The following RBFOX3 variants were observed in gnomAD, a reference collection of about 807,000 sequenced individuals.
RBFOX3 encodes the protein RNA binding protein fox-1 homolog 3.
RBFOX3 carries 17 observed loss-of-function variants against 48.7 expected under a neutral mutation model. That is an observed-to-expected ratio of 0.35 (90% CI 0.24 to 0.52). The LOEUF is 0.52. Ranked by LOEUF, RBFOX3 falls within the 20% of genes least tolerant of loss-of-function variation. RBFOX3 has a pLI of 0.94. For missense variants in RBFOX3, 382 were observed against 497.5 expected (o/e 0.77, Z 2.21); for synonymous variants, 212 against 209.5 (o/e 1.01, Z -0.10).
intron 2 of RBFOX3, among the ~76,000 whole-genome samples, chr17:79,378,212 C>A (rs945230854): frequency 6.6e-6 from 1 of 151,954 alleles, no homozygotes; most frequent in Non-Finnish European, 1.5e-5. Context: ...AGGGGCTTAG[C>A]CCTCATCACC....
At chr17:79,231,860 G>A (rs754373939) in intron 4 of RBFOX3, among the ~76,000 whole-genome samples, 6 of 152,168 alleles carry the variant, frequency 3.9e-5, no homozygotes, top group South Asian at 4.1e-4. Context: ...GTCACTGATC[G>A]CTGTATTAGT....
chr17:79,403,940 T>G (rs574595896), intron 2 of RBFOX3, among the ~76,000 whole-genome samples: 1 of 152,022 alleles, frequency 6.6e-6, no homozygotes, highest in African/African-American at 2.4e-5. Context: ...CCACCACGCC[T>G]GGCTAAGTTT....
chr17:79,228,949 C>T (rs373337445), intron 4 of RBFOX3, among the ~76,000 whole-genome samples: 3 of 151,972 alleles, frequency 2.0e-5, no homozygotes, highest in Non-Finnish European at 4.4e-5. Context: ...AGGAGAGGGC[C>T]GGGCGCAGTG....
chr17:79,656,792 A>AGG, the RBFOX3 span, among the ~76,000 whole-genome samples: 17 of 1,646 alleles, frequency 0.01, 1 homozygote, highest in East Asian at 0.15. Flanking sequence ...GAAAGAAAGA[A>AGG]AGAAAGAAAG....
In RBFOX3 at chr17:79,364,482, C is replaced by CCAAG. The variant is rs1301586236; in HGVS notation, c.-174-56662_-174-56659dup. Among the ~76,000 whole-genome samples the CCAAG allele has an allele frequency of 6.6e-6, 1 of 152,206 alleles. No homozygotes were observed. Among genetic ancestry groups the CCAAG allele is most frequent in the Non-Finnish European group, 1.5e-5 (1 of 68,048 alleles). ...CTGGGGACAGTGCTGCTCTCCCAGG[C>CCAAG]CAAGCACGTCTCCCAGGCATCTGAT... On this transcript the variant is annotated intron_variant, in intron 2 of 14. Coordinates refer to ENST00000693108, the MANE Select transcript of RBFOX3 (RefSeq NM_001350451.2). The surrounding 1 kb of genome is among the most constrained non-coding windows in gnomAD (Gnocchi z 5.1).
Position 79,333,206 on chromosome 17 carries a change from A to C in RBFOX3, c.-174-25382T>G, listed in dbSNP as rs539118540. Among the ~76,000 whole-genome samples, 153 of 152,270 alleles carry C rather than the reference A, an allele frequency of 1.0e-3. 1 individual carries two copies. The highest frequency in any genetic ancestry group is 3.4e-3 in the Middle Eastern group (1 of 294). ...ACCCTCCAAAACCACATTTACACGC[A>C]GCAGACCAGCTCACAGCCTCAGTGA... On this transcript the variant is annotated intron_variant, in intron 2 of 14. Transcript: ENST00000693108.
intron 2 of RBFOX3, among the ~76,000 whole-genome samples, chr17:79,438,862 T>C (rs539143433): frequency 1.3e-5 from 2 of 152,342 alleles, no homozygotes; most frequent in South Asian, 2.1e-4. Context: ...AACTGGTCCA[T>C]GGCACGGCAG....
intron 2 of RBFOX3, among the ~76,000 whole-genome samples, chr17:79,464,735 G>C (rs2076084260): frequency 6.6e-6 from 1 of 152,282 alleles, no homozygotes; most frequent in Admixed American, 6.5e-5. Flanking sequence ...ACCACAGAAA[G>C]AAGTGCAGGG....
intron 1 of RBFOX3, among the ~76,000 whole-genome samples, chr17:79,517,642 G>A (rs2085448176): frequency 6.6e-6 from 1 of 152,014 alleles, no homozygotes; most frequent in Non-Finnish European, 1.5e-5. Context: ...AAACTCCAAG[G>A]TGCAGTGAAA....
At chr17:79,360,186 G>C (rs1325530893) in intron 2 of RBFOX3, among the ~76,000 whole-genome samples, 2 of 152,134 alleles carry the variant, frequency 1.3e-5, no homozygotes, top group African/African-American at 4.8e-5. Context: ...TGGTACTGGA[G>C]GTTTTTAGGG....
At chr17:79,336,592 T>C (rs6501299) in intron 2 of RBFOX3, among the ~76,000 whole-genome samples, 130,584 of 152,120 alleles carry the variant, frequency 0.86, 56,165 homozygotes, top group Non-Finnish European at 0.89. Context: ...ACAGGTGAGG[T>C]CCCTGGCCTC....
rs190336318 is a variant in RBFOX3, at chr17:79,168,537, G to C, written c.-33-52789C>G. 1.4e-4 allele frequency among the ~76,000 whole-genome samples: 21 copies of C among 152,350 alleles called. No homozygotes were observed. In the East Asian group the frequency reaches 3.9e-3, roughly 28 times the overall value. ...CTATGTCCTGTGGCCCCCTGACCCT[G>C]CCAGCCAGGAGGTGTCCTCACCCCC... On this transcript the variant is annotated intron_variant, in intron 4 of 14. Coordinates refer to ENST00000693108, the MANE Select transcript of RBFOX3 (RefSeq NM_001350451.2).
intron 1 of RBFOX3, among the ~76,000 whole-genome samples, chr17:79,521,206 A>G (rs1407110881): frequency 6.6e-6 from 1 of 150,770 alleles, no homozygotes; most frequent in Non-Finnish European, 1.5e-5. Flanking sequence ...ACAGATACAC[A>G]CTCACGCTCA....
chr17:79,640,080 CA>C, the RBFOX3 span, among the ~76,000 whole-genome samples: 19 of 152,058 alleles, frequency 1.2e-4, no homozygotes, highest in Non-Finnish European at 1.9e-4. Flanking sequence ...CCTAAAAACT[CA>C]ACAACCAAAA....
At chr17:79,462,356 T>G (rs903673267) in intron 2 of RBFOX3, among the ~76,000 whole-genome samples, 1 of 152,206 alleles carries the variant, frequency 6.6e-6, no homozygotes, top group Non-Finnish European at 1.5e-5. Context: ...AGATTTCTCT[T>G]CTGTAGGGTG....
chr17:79,516,390 G>A (rs1599018275), intron 1 of RBFOX3, among the ~76,000 whole-genome samples: 1 of 152,196 alleles, frequency 6.6e-6, no homozygotes, highest in East Asian at 1.9e-4. Flanking sequence ...CCCCTGCCCT[G>A]GAGAACCAGG....
intron 4 of RBFOX3, among the ~76,000 whole-genome samples, chr17:79,142,235 C>T (rs565682733): frequency 4.6e-5 from 7 of 152,294 alleles, no homozygotes; most frequent in South Asian, 2.1e-4. Context: ...TATTCCCTCC[C>T]GGTCCCCGGC....
At chr17:79,215,343 T>C (rs2058901927) in intron 4 of RBFOX3, among the ~76,000 whole-genome samples, 1 of 152,212 alleles carries the variant, frequency 6.6e-6, no homozygotes, top group African/African-American at 2.4e-5. Context: ...TTTCCAGACC[T>C]ATGAATGTGA....
intron 2 of RBFOX3, among the ~76,000 whole-genome samples, chr17:79,342,902 T>G: frequency 6.6e-6 from 1 of 151,884 alleles, no homozygotes; most frequent in Admixed American, 6.6e-5. Context: ...GTGGATTACT[T>G]TACATGACTT....
Sources: allele counts gnomAD v4.1 joint callset (sites outside exome capture counted in the v4.1 genomes callset), GRCh38; gene constraint gnomAD v4.1.1; non-coding constraint Gnocchi (gnomAD v3.1); transcripts MANE v1.5; gene names NCBI Gene and HGNC (gene_info 2026-07-23, HGNC 2026-07-21).